WDFY2: variants seen among roughly 807,000 people sequenced by gnomAD.
WDFY2 encodes WD repeat and FYVE domain containing 2.
Under a neutral mutation model 56.4 loss-of-function variants are expected in WDFY2, and 36 were observed. That is an observed-to-expected ratio of 0.64 (90% CI 0.49 to 0.84). The LOEUF (loss-of-function observed/expected upper bound fraction) is 0.84, where lower values mean the gene tolerates loss of function less well. Among genes scored for constraint, WDFY2 ranks in the 40% least tolerant of loss-of-function variants. The pLI is 0.00. For missense variants in WDFY2, 444 were observed against 512.2 expected (o/e 0.87, Z 1.29); for synonymous variants, 176 against 183.7 (o/e 0.96, Z 0.34).
intron 3 of WDFY2, among the ~76,000 whole-genome samples, chr13:51,678,006 C>T (rs2138509665): frequency 6.6e-6 from 1 of 152,214 alleles, no homozygotes; most frequent in East Asian, 1.9e-4. Context: ...CCTACCTATA[C>T]CTTTTGCTCT....
chr13:51,745,955 C>G (rs891813048), intron 7 of WDFY2, among the ~76,000 whole-genome samples: 1 of 127,814 alleles, frequency 7.8e-6, no homozygotes, highest in African/African-American at 2.8e-5. Flanking sequence ...CTGGACTTTT[C>G]TTTTTCTTTT....
intron 3 of WDFY2, among the ~76,000 whole-genome samples, chr13:51,702,872 A>T (rs1952012804): frequency 6.6e-6 from 1 of 152,198 alleles, no homozygotes. Flanking sequence ...AAGTCTAAGG[A>T]CTCAAAACCT....
intron 1 of WDFY2, among the ~76,000 whole-genome samples, chr13:51,626,598 AT>A (rs1954839418): frequency 1.3e-5 from 2 of 152,146 alleles, no homozygotes; most frequent in African/African-American, 4.8e-5. Context: ...AAGTTGTGTG[AT>A]TAGTGTGGCA....
chr13:51,756,127 G>A (rs996808758), intron 9 of WDFY2, among the ~76,000 whole-genome samples: 4 of 152,136 alleles, frequency 2.6e-5, no homozygotes, highest in Non-Finnish European at 5.9e-5. Flanking sequence ...TCCCTGTCAG[G>A]TGTGTTACCC....
At chr13:51,677,067 G>A (rs1194039223) in intron 3 of WDFY2, among the ~76,000 whole-genome samples, 1 of 152,200 alleles carries the variant, frequency 6.6e-6, no homozygotes, top group Non-Finnish European at 1.5e-5. Flanking sequence ...GATGAGCAAA[G>A]TAAGTTATGG....
Position 51,676,328 on chromosome 13 carries a change from G to A in WDFY2, c.279+1085G>A, listed in dbSNP as rs377058693. ...CCCCTCAAGGTCTTGACAAAACTGG[G>A]AATAGAAAGAGAAGGGGAGTGGGCT... On this transcript the variant is annotated intron_variant, in intron 3 of 11. Transcript: ENST00000298125. 1.8e-4 allele frequency among the ~76,000 whole-genome samples: 28 copies of A among 152,296 alleles called. No homozygotes were observed. In the East Asian group the frequency reaches 5.2e-3, roughly 28 times the overall value.
intron 6 of WDFY2, among the ~76,000 whole-genome samples, chr13:51,730,907 A>C (rs1488783451): frequency 2.0e-5 from 3 of 152,214 alleles, no homozygotes; most frequent in African/African-American, 7.2e-5. Flanking sequence ...GCAGCCAGAA[A>C]GCAAGAGTCA....
At chr13:51,720,001 G>A (rs1445312937) in intron 5 of WDFY2, among the ~76,000 whole-genome samples, 4 of 152,178 alleles carry the variant, frequency 2.6e-5, no homozygotes. Context: ...GGCAAGCACA[G>A]TATTGACTAG....
At chr13:51,659,638 C>T (rs1485259972) in intron 1 of WDFY2, among the ~76,000 whole-genome samples, 1 of 152,174 alleles carries the variant, frequency 6.6e-6, no homozygotes, top group African/African-American at 2.4e-5. Context: ...TCTTTGGTGT[C>T]TGCTCTCTGA....
chr13:51,692,465 T>C (rs1311706129), intron 3 of WDFY2, among the ~76,000 whole-genome samples: 1 of 152,244 alleles, frequency 6.6e-6, no homozygotes. Context: ...GTGGTTTTTC[T>C]CTTTGGTTCT....
At chr13:51,666,826 A>T (rs1052297314) in intron 2 of WDFY2, among the ~76,000 whole-genome samples, 2 of 152,180 alleles carry the variant, frequency 1.3e-5, no homozygotes, top group South Asian at 4.1e-4. Flanking sequence ...AATGGTAGGT[A>T]ATACATTAAA....
chr13:51,750,481 C>T (rs182276801), intron 7 of WDFY2, among the ~76,000 whole-genome samples: 2 of 151,420 alleles, frequency 1.3e-5, no homozygotes, highest in East Asian at 1.9e-4. Flanking sequence ...GAGCTGTTCT[C>T]CTTCCCAGTA....
At chr13:51,640,152 G>C (rs935612541) in intron 1 of WDFY2, among the ~76,000 whole-genome samples, 4 of 152,160 alleles carry the variant, frequency 2.6e-5, no homozygotes, top group Non-Finnish European at 5.9e-5. Context: ...AATCAATTCA[G>C]ATTGCTAAGT....
chr13:51,742,914 A>G (rs1400283724), intron 7 of WDFY2, among the ~76,000 whole-genome samples: 1 of 152,238 alleles, frequency 6.6e-6, no homozygotes, highest in Non-Finnish European at 1.5e-5. Flanking sequence ...GAGTCCTCAA[A>G]GCCTTTTGGT....
intron 6 of WDFY2, among the ~76,000 whole-genome samples, chr13:51,730,606 T>C (rs982476238): frequency 6.6e-6 from 1 of 152,080 alleles, no homozygotes; most frequent in African/African-American, 2.4e-5. Context: ...CAAGGGCTGG[T>C]GGGGAGCAAG....
intron 5 of WDFY2, 81 bp downstream of exon 5, chr13:51,719,429 A>G (rs1196156701): frequency 6.8e-7 from 1 of 1,467,358 alleles, no homozygotes; most frequent in Non-Finnish European, 9.1e-7. Context: ...GGGTATGTGC[A>G]GCTTGAAAGT....
Position 51,762,840 on chromosome 13 carries a change from G to A in WDFY2, c.*3071G>A, listed in dbSNP as rs1228720014. 1 of 152,220 alleles carries A rather than the reference G, an allele frequency of 6.6e-6. No homozygotes were observed. The highest frequency in any genetic ancestry group is 2.4e-5 in the African/African-American group (1 of 41,464). 9.4% of individuals were successfully genotyped at this position (152,220 alleles called of 1,614,324 possible). ...CAGATCTACACATATCATACGCAGA[G>A]TTGTTCTCTACCTGATGGGGCAAAA... On this transcript the variant is annotated 3_prime_UTR_variant, in exon 12 of 12. Transcript: ENST00000298125.
At chr13:51,613,165 AGC>A (rs1954537127) in intron 1 of WDFY2, among the ~76,000 whole-genome samples, 1 of 151,928 alleles carries the variant, frequency 6.6e-6, no homozygotes, top group Non-Finnish European at 1.5e-5. Context: ...GCCTGTGCAT[AGC>A]CACTGCACTC....
chr13:51,740,386 TAGA>T (rs551276740), intron 7 of WDFY2, among the ~76,000 whole-genome samples: 12 of 152,290 alleles, frequency 7.9e-5, no homozygotes, highest in Admixed American at 6.5e-4. Context: ...CCAGGTCCTG[TAGA>T]AGGAGTTCAC....
Sources: allele counts gnomAD v4.1 joint callset (sites outside exome capture counted in the v4.1 genomes callset), GRCh38; gene constraint gnomAD v4.1.1; transcripts MANE v1.5; gene names NCBI Gene and HGNC (gene_info 2026-07-23, HGNC 2026-07-21).